PYY: variants seen among roughly 807,000 people sequenced by gnomAD.
PYY encodes the protein peptide YY.
PYY carries 12 observed loss-of-function variants against 10.3 expected under a neutral mutation model. That is an observed-to-expected ratio of 1.17 (90% CI 0.75 to 1.89). The LOEUF is 1.89. PYY is among the 40% of genes most tolerant of loss of function. PYY has a pLI of 0.00. For synonymous variants in PYY, 66 were observed against 62.0 expected (o/e 1.06, Z -0.30); for missense variants, 141 against 134.0 (o/e 1.05, Z -0.26).
intron 1 of PYY, among the ~76,000 whole-genome samples, chr17:43,972,509 C>T (rs956549676): frequency 4.7e-5 from 7 of 150,088 alleles, no homozygotes; most frequent in Non-Finnish European, 1.0e-4. Context: ...AGCCGCCACA[C>T]CCGGCCAACT....
upstream of PYY, among the ~76,000 whole-genome samples, chr17:43,955,932 G>A (rs541596159): frequency 2.0e-5 from 3 of 152,106 alleles, no homozygotes; most frequent in Non-Finnish European, 2.9e-5. Flanking sequence ...ATACCAGAGA[G>A]TAGGGGGCTA....
chr17:43,971,555 G>C (rs1275268334), intron 1 of PYY, among the ~76,000 whole-genome samples: 1 of 144,446 alleles, frequency 6.9e-6, no homozygotes, highest in Non-Finnish European at 1.5e-5. Flanking sequence ...GGGTGACAGA[G>C]CAAGGCTCTG....
Position 43,952,939 on chromosome 17 carries a change from G to C in PYY, c.*17C>G, listed in dbSNP as rs770015771. The C allele has an allele frequency of 5.9e-6, 9 of 1,538,052 alleles. No individual in the cohort carries two copies. The East Asian group carries it at 2.1e-4, about 36-fold the overall frequency. On this transcript the variant is annotated 3_prime_UTR_variant, in exon 4 of 4. Coordinates refer to ENST00000692052, the MANE Select transcript of PYY (RefSeq NM_001394028.1). ...GTGGGCGTGGTTGGCAGATCTCCCA[G>C]GAGGCCTCAGGGGTCCTCACCACAG...
In PYY at chr17:43,963,539, A is replaced by G. The variant is rs1372820401; in HGVS notation, c.-218+2749T>C. On this transcript the variant is annotated intron_variant, in intron 2 of 6. Transcript: ENST00000360085. The stretch of plus-strand genomic sequence containing the variant: ...AAAAAAAAAGAAAGAAAGAAGGAAG[A>G]GAAGGAAGGGAAGGAAGGAAGGAAG... Among the ~76,000 whole-genome samples, 104 of 141,816 alleles carry G rather than the reference A, an allele frequency of 7.3e-4. 2 individuals carry two copies. The South Asian group carries it at 0.023, about 31-fold the overall frequency. 93.0% of individuals were successfully genotyped at this position (141,816 alleles called of 152,430 possible). A position where few individuals can be genotyped will look rare whatever the true frequency, so the allele number is the denominator to read the frequency against.
intron 1 of PYY, among the ~76,000 whole-genome samples, chr17:43,969,788 G>T (rs7208900): frequency 0.26 from 38,923 of 150,024 alleles, 7,931 homozygotes; most frequent in East Asian, 0.68. Context: ...CTGTCACCCA[G>T]ACTGGAGTGC....
At chr17:43,968,222 A>G (rs565712815) in intron 1 of PYY, among the ~76,000 whole-genome samples, 2 of 152,158 alleles carry the variant, frequency 1.3e-5, no homozygotes, top group South Asian at 4.2e-4. Context: ...ATTTTTAAAA[A>G]CAGTTGTAGT....
chr17:43,953,619 G>T, intron 1 of PYY, 136 bp from the exon 2 acceptor site: 1 of 833,274 alleles, frequency 1.2e-6, no homozygotes, highest in South Asian at 1.9e-5. Context: ...CACCGGGCTT[G>T]CTGTGTGTTC....
intron 1 of PYY, among the ~76,000 whole-genome samples, chr17:44,003,207 A>C (rs1016423742): frequency 2.6e-5 from 4 of 151,896 alleles, no homozygotes; most frequent in African/African-American, 7.3e-5. Context: ...TAATTTTTGT[A>C]TTTTTAGTAG....
rs1354986925 is a variant in PYY at position 43,970,107 on chromosome 17, G to GGC, written c.-462-3576_-462-3575insGC. Among the ~76,000 whole-genome samples the GGC allele has an allele frequency of 5.7e-3, 865 of 151,074 alleles. 4 individuals carry two copies. The highest frequency in any genetic ancestry group is 9.3e-3 in the Non-Finnish European group (632 of 67,868). ...TCTCAGCTACTGGGGAGGCTGAAGT[G>GGC]GGGGAATCGCTTAAACCCAGGAGTG... On this transcript the variant is annotated intron_variant, in intron 1 of 6. Transcript: ENST00000360085.
chr17:43,971,434 G>A (rs765857409), intron 1 of PYY, among the ~76,000 whole-genome samples: 10 of 152,022 alleles, frequency 6.6e-5, no homozygotes, highest in Non-Finnish European at 1.3e-4. Flanking sequence ...GCCGGGCATG[G>A]TGACACAAGT....
chr17:43,979,214 C>T (rs375561722), intron 1 of PYY, among the ~76,000 whole-genome samples: 19 of 152,340 alleles, frequency 1.2e-4, no homozygotes, highest in Admixed American at 6.5e-4. Context: ...ATTAGAAACA[C>T]GCATTTTCAG....
chr17:44,001,647 G>A (rs758841227), intron 1 of PYY, among the ~76,000 whole-genome samples: 2 of 152,182 alleles, frequency 1.3e-5, no homozygotes, highest in Non-Finnish European at 2.9e-5. Context: ...ACGGCCCTCT[G>A]GGATGAAGCC....
At position 43,999,666 on chromosome 17, in the gene PYY, G is replaced by C. The variant is rs187866404; in HGVS notation, c.-463+4725C>G. 2.2e-4 allele frequency among the ~76,000 whole-genome samples: 34 copies of C among 151,992 alleles called. 1 individual carries two copies. Among genetic ancestry groups the C allele is most frequent in the Admixed American group, 1.8e-3 (27 of 15,256 alleles). On this transcript the variant is annotated intron_variant, in intron 1 of 6. Transcript: ENST00000360085. ...GCCTGTAATCCCAGCTACTCGGGAG[G>C]ATGAGGCAGAAGAATTGCTTGAACC...
chr17:43,962,823 C>G (rs2048721881), intron 2 of PYY, among the ~76,000 whole-genome samples: 1 of 152,178 alleles, frequency 6.6e-6, no homozygotes, highest in African/African-American at 2.4e-5. Context: ...CAGGCGAGGG[C>G]AAGGGCACCA....
At chr17:43,974,729 C>T (rs1429732140) in intron 1 of PYY, among the ~76,000 whole-genome samples, 1 of 152,058 alleles carries the variant, frequency 6.6e-6, no homozygotes, top group Non-Finnish European at 1.5e-5. Context: ...TGCGGGAATT[C>T]GGGTCCTAAC....
Position 43,987,965 on chromosome 17 carries a change from A to T in PYY, c.-463+16426T>A, listed in dbSNP as rs2048926366. The stretch of plus-strand genomic sequence containing the variant: ...TCCCCACGCCGGAAGTCCTCACAGC[A>T]GTCTGCTCTGCATCCCTCCTAATTC... On this transcript the variant is annotated intron_variant, in intron 1 of 6. Coordinates refer to the PYY transcript ENST00000360085. This position sits in a 1 kb window ranked among gnomAD's most constrained non-coding sequence, Gnocchi z 4.0. Among the ~76,000 whole-genome samples the T allele has an allele frequency of 6.6e-6, 1 of 152,194 alleles. No individual in the cohort carries two copies. The highest frequency in any genetic ancestry group is 2.4e-5 in the African/African-American group (1 of 41,446).
At chr17:43,971,521 G>A (rs2048792953) in intron 1 of PYY, among the ~76,000 whole-genome samples, 1 of 148,174 alleles carries the variant, frequency 6.7e-6, no homozygotes, top group Non-Finnish European at 1.5e-5. Flanking sequence ...AGTGAGCCAA[G>A]ATCATGCCAC....
Position 43,952,951 on chromosome 17 carries a change from G to T in PYY, c.*5C>A. The T allele has an allele frequency of 1.3e-6, 2 of 1,547,318 alleles. No individual in the cohort carries two copies. The highest frequency in any genetic ancestry group is 1.7e-6 in the Non-Finnish European group (2 of 1,149,816). ...GGCAGATCTCCCAGGAGGCCTCAGGGGTCCTCACCACAGGTCTGGGCCCTC... is the reference window on the plus strand; with the variant it reads ...GGCAGATCTCCCAGGAGGCCTCAGGTGTCCTCACCACAGGTCTGGGCCCTC... On this transcript the variant is annotated 3_prime_UTR_variant, in exon 4 of 4. Transcript: ENST00000692052.
intron 1 of PYY, among the ~76,000 whole-genome samples, chr17:43,981,690 A>G (rs1023497399): frequency 3.9e-5 from 6 of 152,052 alleles, no homozygotes; most frequent in Non-Finnish European, 8.8e-5. Context: ...GGGTTTCACC[A>G]TGTTGGCCAG....
Sources: gnomAD v4.1 joint callset for allele counts (sites outside exome capture counted in the v4.1 genomes callset) on GRCh38, gnomAD v4.1.1 for gene constraint, Gnocchi (gnomAD v3.1) non-coding constraint, MANE v1.5 for transcripts, NCBI Gene and HGNC (gene_info 2026-07-23, HGNC 2026-07-21) for gene names.